FNBP1L: variants seen among roughly 807,000 people sequenced by gnomAD.
The protein encoded by FNBP1L is formin binding protein 1 like, also known as formin-binding protein 1-like.
In FNBP1L, 36 loss-of-function variants were observed where a neutral mutation model predicts 91.2. That is an observed-to-expected ratio of 0.39 (90% CI 0.30 to 0.52). The LOEUF is 0.52. Ranked by LOEUF, FNBP1L falls within the 20% of genes least tolerant of loss-of-function variation. The probability of loss-of-function intolerance (pLI) is 0.66; values close to 1 mark genes in which losing one functional copy is unlikely to be tolerated. For synonymous variants in FNBP1L, 242 were observed against 237.0 expected (o/e 1.02, Z -0.19); for missense variants, 571 against 732.1 (o/e 0.78, Z 2.54).
At chr1:93,549,661 T>C (rs966427958) in intron 15 of FNBP1L, among the ~76,000 whole-genome samples, 4 of 152,236 alleles carry the variant, frequency 2.6e-5, no homozygotes, top group African/African-American at 9.6e-5. Flanking sequence ...ATACAGATTA[T>C]TAATTAATTA....
At chr1:93,511,363 T>A (rs1046625532) in intron 2 of FNBP1L, among the ~76,000 whole-genome samples, 2 of 152,076 alleles carry the variant, frequency 1.3e-5, no homozygotes, top group Non-Finnish European at 2.9e-5. Flanking sequence ...CTAAGCTTCA[T>A]AAGTGAAGGA....
chr1:93,495,188 GGA>G (rs1670222185), intron 1 of FNBP1L, among the ~76,000 whole-genome samples: 1 of 152,152 alleles, frequency 6.6e-6, no homozygotes, highest in Non-Finnish European at 1.5e-5. Context: ...ATATTTTTTA[GGA>G]GAGATTTCAC....
chr1:93,517,662 A>G (rs1671175266), intron 2 of FNBP1L, among the ~76,000 whole-genome samples: 1 of 152,248 alleles, frequency 6.6e-6, no homozygotes, highest in Non-Finnish European at 1.5e-5. Context: ...AAAAATAGGT[A>G]GTGGGACATA....
chr1:93,517,036 C>A (rs1248123375), intron 2 of FNBP1L, among the ~76,000 whole-genome samples: 1 of 150,260 alleles, frequency 6.7e-6, no homozygotes, highest in African/African-American at 2.4e-5. Flanking sequence ...TTCTTCTTTT[C>A]CTCTTCCTTT....
At chr1:93,452,528 C>T (rs1471976477) in intron 1 of FNBP1L, among the ~76,000 whole-genome samples, 1 of 152,144 alleles carries the variant, frequency 6.6e-6, no homozygotes, top group Non-Finnish European at 1.5e-5. Flanking sequence ...TCTTAGGCCA[C>T]ATTAATAGAT....
intron 5 of FNBP1L, among the ~76,000 whole-genome samples, chr1:93,526,618 C>G (rs1263540283): frequency 1.3e-5 from 2 of 152,142 alleles, no homozygotes; most frequent in Non-Finnish European, 2.9e-5. Flanking sequence ...TAGCTGTTTT[C>G]TGCCTCTGTA....
chr1:93,524,400 C>A (rs1671430416), intron 5 of FNBP1L, 77 bp downstream of exon 5: 1 of 1,029,718 alleles, frequency 9.7e-7, no homozygotes, highest in East Asian at 3.0e-5. Context: ...TGCTTCATAT[C>A]TATTTGAGTT....
chr1:93,516,086 A>G (rs534046025), intron 2 of FNBP1L, among the ~76,000 whole-genome samples: 1 of 152,308 alleles, frequency 6.6e-6, no homozygotes, highest in East Asian at 1.9e-4. Flanking sequence ...TTACATATAT[A>G]GTTTTAATTG....
At position 93,546,985 on chromosome 1, in the gene FNBP1L, T is replaced by C; in HGVS notation, c.1407+11T>C. 1 of 1,606,580 alleles carries C rather than the reference T, an allele frequency of 6.2e-7. No individual in the cohort carries two copies. The highest frequency in any genetic ancestry group is 8.5e-7 in the Non-Finnish European group (1 of 1,177,290). Reference sequence around the variant, plus strand: ...ATCCATAAGAATGAGGTAGATTTGTTATTCAGCACTTGTCAAGATAAATTA... The same window carrying C: ...ATCCATAAGAATGAGGTAGATTTGTCATTCAGCACTTGTCAAGATAAATTA... On this transcript the variant is annotated intron_variant, in intron 13 of 16. Transcript: ENST00000271234.
At position 93,552,662 on chromosome 1, in the gene FNBP1L, G is replaced by A. The variant is rs1672450646; in HGVS notation, c.*246G>A. On this transcript the variant is annotated 3_prime_UTR_variant, in exon 17 of 17. Transcript: ENST00000271234. ...CACAAAAGAAAAAGCCAACAATAGTGTACCATTTTTCTATTTATTTTATTG... is the reference window on the plus strand; with the variant it reads ...CACAAAAGAAAAAGCCAACAATAGTATACCATTTTTCTATTTATTTTATTG... 2.5e-6 allele frequency: 1 copy of A among 404,324 alleles called. No individual in the cohort carries two copies. The highest frequency in any genetic ancestry group is 3.7e-5 in the East Asian group (1 of 26,800). 25.0% of individuals were successfully genotyped at this position (404,324 alleles called of 1,614,324 possible).
chr1:93,505,109 T>TC (rs1557796827), intron 2 of FNBP1L, among the ~76,000 whole-genome samples: 3 of 118,762 alleles, frequency 2.5e-5, no homozygotes, highest in Non-Finnish European at 5.0e-5. Context: ...CCAGCTTCAT[T>TC]CTTTTTTTTT....
chr1:93,480,462 G>T (rs1327906941), intron 1 of FNBP1L, among the ~76,000 whole-genome samples: 2 of 152,190 alleles, frequency 1.3e-5, no homozygotes, highest in African/African-American at 4.8e-5. Context: ...AAGATTAAAT[G>T]AGAAATGCAT....
At chr1:93,532,695 T>C (rs2051695653) in intron 7 of FNBP1L, among the ~76,000 whole-genome samples, 1 of 152,158 alleles carries the variant, frequency 6.6e-6, no homozygotes, top group African/African-American at 2.4e-5. Context: ...CATCTGGTTT[T>C]AGGAAAACAA....
At position 93,522,199 on chromosome 1, in the gene FNBP1L, TTTAG is replaced by T. The variant is rs1344424467; in HGVS notation, c.194+66_194+69del. On this transcript the variant is annotated intron_variant, in intron 3 of 16. Coordinates refer to ENST00000271234, the MANE Select transcript of FNBP1L (RefSeq NM_001164473.3). ...TTTAAAAATACTTATATTTTTATTA[TTTAG>T]TAAGATATATTCTTAGCTTTTTATA... 7 of 754,400 alleles carry T rather than the reference TTTAG, an allele frequency of 9.3e-6. No individual in the cohort carries two copies. The East Asian group carries it at 2.2e-4, about 23-fold the overall frequency. The allele number at this position is 754,400 out of a possible 1,614,324, so 46.7% of individuals were successfully genotyped here.
chr1:93,533,096 G>T, intron 8 of FNBP1L, 28 bp downstream of exon 8: 1 of 1,601,540 alleles, frequency 6.2e-7, no homozygotes. Flanking sequence ...ATCTTTGAAT[G>T]CATCTGTTTG....
intron 5 of FNBP1L, among the ~76,000 whole-genome samples, chr1:93,526,259 T>C (rs1463063441): frequency 6.6e-6 from 1 of 152,178 alleles, no homozygotes; most frequent in Non-Finnish European, 1.5e-5. Context: ...TACAGTTTTA[T>C]AAGAGCAGAG....
chr1:93,507,362 A>G (rs1670672920), intron 2 of FNBP1L, among the ~76,000 whole-genome samples: 1 of 152,138 alleles, frequency 6.6e-6, no homozygotes, highest in South Asian at 2.1e-4. Flanking sequence ...TGAACAGAAA[A>G]AGAGCCTAGG....
intron 5 of FNBP1L, among the ~76,000 whole-genome samples, chr1:93,526,390 C>T (rs1407950127): frequency 6.6e-6 from 1 of 152,124 alleles, no homozygotes; most frequent in African/African-American, 2.4e-5. Flanking sequence ...GCCATGTCTC[C>T]TTAAGGTCAG....
At chr1:93,530,576 TAAATATA>T (rs1671639975) in intron 6 of FNBP1L, among the ~76,000 whole-genome samples, 172 bp from the exon 7 acceptor site, 1 of 141,434 alleles carries the variant, frequency 7.1e-6, no homozygotes, top group Non-Finnish European at 1.5e-5. Context: ...CAGGTGTCTT[TAAATATA>T]AAATATATTT....
Sources: gnomAD v4.1 joint callset for allele counts (sites outside exome capture counted in the v4.1 genomes callset) on GRCh38, gnomAD v4.1.1 for gene constraint, MANE v1.5 for transcripts, NCBI Gene and HGNC (gene_info 2026-07-23, HGNC 2026-07-21) for gene names.